Variants in TSPAN9 observed in about 807,000 individuals in gnomAD.
The protein encoded by TSPAN9 is tetraspanin 9, also known as tetraspanin-9.
In TSPAN9, 16 loss-of-function variants were observed where a neutral mutation model predicts 31.0. The ratio of observed to expected loss-of-function variants is 0.52; its 90% CI spans 0.35 to 0.78. The LOEUF (loss-of-function observed/expected upper bound fraction) is 0.78. Ranked by LOEUF, TSPAN9 falls within the 30% of genes least tolerant of loss-of-function variation. TSPAN9 has a pLI of 0.01. For synonymous variants in TSPAN9, 145 were observed against 121.6 expected, an observed-to-expected ratio of 1.19 and a Z score of -1.27; for missense variants, 272 against 312.5, an observed-to-expected ratio of 0.87 and a Z score of 0.98.
intron 3 of TSPAN9, among the ~76,000 whole-genome samples, chr12:3,260,954 T>G (rs563371721): frequency 6.6e-6 from 1 of 152,316 alleles, no homozygotes; most frequent in Non-Finnish European, 1.5e-5. Flanking sequence ...AACGCCATGA[T>G]CAGCCATATC....
intron 2 of TSPAN9, among the ~76,000 whole-genome samples, chr12:3,186,128 G>C (rs1307498907): frequency 6.6e-6 from 1 of 152,052 alleles, no homozygotes; most frequent in Non-Finnish European, 1.5e-5. Context: ...CAGCTGGGCA[G>C]GCGCTAACTA....
intron 2 of TSPAN9, among the ~76,000 whole-genome samples, chr12:3,185,915 C>T (rs2098361059): frequency 6.6e-6 from 1 of 152,198 alleles, no homozygotes; most frequent in South Asian, 2.1e-4. Context: ...TCGAACCTGA[C>T]CTTGGAGGCT....
At chr12:3,242,687 G>T (rs2098397196) in intron 3 of TSPAN9, among the ~76,000 whole-genome samples, 1 of 152,230 alleles carries the variant, frequency 6.6e-6, no homozygotes, top group South Asian at 2.1e-4. Context: ...CGTGACTCAG[G>T]CCTCAGCTGG....
At chr12:3,227,233 A>G (rs2098388322) in intron 3 of TSPAN9, among the ~76,000 whole-genome samples, 1 of 152,216 alleles carries the variant, frequency 6.6e-6, no homozygotes, top group Non-Finnish European at 1.5e-5. Flanking sequence ...TTCATTGAAC[A>G]CAGGGAGACT....
chr12:3,250,281 A>G (rs540424962), intron 3 of TSPAN9, among the ~76,000 whole-genome samples: 2 of 152,168 alleles, frequency 1.3e-5, no homozygotes, highest in African/African-American at 2.4e-5. Flanking sequence ...TTGTCCTCAG[A>G]TAATGCTTTC....
At chr12:3,174,266 T>C (rs1341293469) in intron 2 of TSPAN9, among the ~76,000 whole-genome samples, 2 of 152,144 alleles carry the variant, frequency 1.3e-5, no homozygotes, top group Non-Finnish European at 2.9e-5. Flanking sequence ...AGAGTCTTAC[T>C]ATGTTGCCCA....
intron 3 of TSPAN9, chr12:3,215,324 C>T (rs773933580): frequency 1.3e-5 from 2 of 152,240 alleles, no homozygotes; most frequent in Non-Finnish European, 2.9e-5. Context: ...CATTGACTCC[C>T]TGGGAGGATC....
chr12:3,091,010 C>G (rs1049854384), intron 2 of TSPAN9, among the ~76,000 whole-genome samples: 1 of 152,242 alleles, frequency 6.6e-6, no homozygotes, highest in African/African-American at 2.4e-5. Context: ...GACAGTGTCT[C>G]CTGCCCTATG....
intron 1 of TSPAN9, among the ~76,000 whole-genome samples, chr12:3,078,033 A>C (rs543777628): frequency 6.6e-6 from 1 of 152,320 alleles, no homozygotes; most frequent in Admixed American, 6.5e-5. Flanking sequence ...AAAAAGATCC[A>C]AACAAGAAAC....
chr12:3,097,932 C>T (rs190245664), intron 2 of TSPAN9, among the ~76,000 whole-genome samples: 1 of 152,352 alleles, frequency 6.6e-6, no homozygotes, highest in East Asian at 1.9e-4. Flanking sequence ...CATGTGAGCA[C>T]CTCCTCCGTG....
At chr12:3,160,991 C>T (rs1000546967) in intron 2 of TSPAN9, among the ~76,000 whole-genome samples, 14 of 152,142 alleles carry the variant, frequency 9.2e-5, no homozygotes, top group East Asian at 1.9e-4. Flanking sequence ...GAGGCCGAGG[C>T]AGGTGGATCA....
chr12:3,146,648 C>A (rs1049824831), intron 2 of TSPAN9, among the ~76,000 whole-genome samples: 22 of 152,194 alleles, frequency 1.4e-4, no homozygotes, highest in African/African-American at 4.8e-4. Flanking sequence ...TCTGCTGCCT[C>A]CACTCTCCTC....
rs56928697 is a variant in TSPAN9 at position 3,154,010 on chromosome 12, ATGTGTGTGTG to A, written c.-17-47145_-17-47136del. Among the ~76,000 whole-genome samples the A allele has an allele frequency of 7.9e-3, 1,174 of 147,800 alleles. 11 individuals carry two copies. The highest frequency in any genetic ancestry group is 0.027 in the African/African-American group (1,088 of 39,988). ...ATTAATATATTAGTATTATATATAT[ATGTGTGTGTG>A]TGTGTGTGTGTGTGTGTGTGTCTGT... On this transcript the variant is annotated intron_variant, in intron 2 of 8. Coordinates refer to ENST00000011898, the MANE Select transcript of TSPAN9 (RefSeq NM_006675.5).
intron 3 of TSPAN9, among the ~76,000 whole-genome samples, chr12:3,226,794 A>ATTTTTTTTTTTT (rs1203426057): frequency 1.2e-4 from 2 of 16,396 alleles, no homozygotes; most frequent in African/African-American, 4.9e-4. Context: ...ATATATATAT[A>ATTTTTTTTTTTT]TTTTTTTTTT....
chr12:3,239,414 T>C (rs571537744), intron 3 of TSPAN9, among the ~76,000 whole-genome samples: 1 of 152,284 alleles, frequency 6.6e-6, no homozygotes, highest in African/African-American at 2.4e-5. Context: ...GCACCTTCTT[T>C]CCCCTCTTGG....
At chr12:3,265,093 CGCAGTGCTGGGCTCAGG>C (rs1862516735) in intron 3 of TSPAN9, among the ~76,000 whole-genome samples, 1 of 152,152 alleles carries the variant, frequency 6.6e-6, no homozygotes, top group African/African-American at 2.4e-5. Context: ...TAGAAGCCAG[CGCAGTGCTGGGCTCAGG>C]GCAGATGTGT....
intron 2 of TSPAN9, chr12:3,151,398 C>T (rs1427923697): frequency 6.6e-6 from 1 of 152,274 alleles, no homozygotes; most frequent in Non-Finnish European, 1.5e-5. Context: ...GCATTCCTCC[C>T]ATTCTTTTCT....
chr12:3,139,732 G>T (rs1157668856), intron 2 of TSPAN9, among the ~76,000 whole-genome samples: 2 of 152,284 alleles, frequency 1.3e-5, no homozygotes, highest in Non-Finnish European at 2.9e-5. Context: ...ATTTTTGGTA[G>T]AGATAGGGTT....
chr12:3,208,642 A>G (rs1804605526), intron 3 of TSPAN9, among the ~76,000 whole-genome samples: 1 of 152,242 alleles, frequency 6.6e-6, no homozygotes, highest in South Asian at 2.1e-4. Flanking sequence ...CACTTTCCCA[A>G]CCAGAAACAC....
Sources: gnomAD v4.1 joint callset for allele counts (sites outside exome capture counted in the v4.1 genomes callset) on GRCh38, gnomAD v4.1.1 for gene constraint, MANE v1.5 for transcripts, NCBI Gene and HGNC (gene_info 2026-07-23, HGNC 2026-07-21) for gene names.